The following FNBP1 variants were observed in gnomAD, a reference collection of about 807,000 sequenced individuals.
The protein encoded by FNBP1 is formin binding protein 1, also known as formin-binding protein 1.
In FNBP1, 26 loss-of-function variants were observed where a neutral mutation model predicts 90.6. That is an observed-to-expected ratio of 0.29 (90% CI 0.21 to 0.40). The LOEUF (loss-of-function observed/expected upper bound fraction) is 0.40, where lower values mean the gene tolerates loss of function less well. FNBP1 is among the 10% of genes least tolerant of loss of function. FNBP1 has a pLI of 1.00. For missense variants in FNBP1, 635 were observed against 768.0 expected (o/e 0.83, Z 2.05); for synonymous variants, 260 against 265.2 (o/e 0.98, Z 0.19).
At chr9:129,982,516 G>C (rs532633379) in intron 2 of FNBP1, among the ~76,000 whole-genome samples, 1 of 151,998 alleles carries the variant, frequency 6.6e-6, no homozygotes, top group Non-Finnish European at 1.5e-5. Flanking sequence ...GGAAATGTGC[G>C]CAAAACAGAT....
chr9:130,037,145 T>A (rs567349270), intron 1 of FNBP1, among the ~76,000 whole-genome samples: 1 of 151,250 alleles, frequency 6.6e-6, no homozygotes, highest in South Asian at 2.1e-4. Flanking sequence ...TCACTTGAGG[T>A]CAGGAGTTTG....
chr9:129,947,635 T>C (rs1032615083), intron 6 of FNBP1, among the ~76,000 whole-genome samples: 1 of 151,548 alleles, frequency 6.6e-6, no homozygotes, highest in African/African-American at 2.4e-5. Flanking sequence ...TACTTTTTTT[T>C]TTTTGAGGTG....
chr9:129,967,886 G>T (rs2048853152), intron 4 of FNBP1, among the ~76,000 whole-genome samples: 1 of 151,930 alleles, frequency 6.6e-6, no homozygotes, highest in African/African-American at 2.4e-5. Context: ...TTTTTTTTGA[G>T]ATTGGGGGGT....
intron 1 of FNBP1, among the ~76,000 whole-genome samples, chr9:130,019,907 T>G (rs868311415): frequency 4.6e-5 from 7 of 152,000 alleles, no homozygotes; most frequent in Admixed American, 1.3e-4. Flanking sequence ...TCACAGGACC[T>G]CATTAGATTA....
At position 130,031,746 on chromosome 9, in the gene FNBP1, C is replaced by T. The variant is rs2058817700; in HGVS notation, c.24+11206G>A. Among the ~76,000 whole-genome samples the T allele has an allele frequency of 6.6e-6, 1 of 151,728 alleles. No individual in the cohort carries two copies. Among genetic ancestry groups the T allele is most frequent in the South Asian group, 2.1e-4 (1 of 4,798 alleles). ...GCACAATCTCAGTTCACTGCAACAT[C>T]CACCTCCTAGATTCAAGCGATTCTC... On this transcript the variant is annotated intron_variant, in intron 1 of 16. Coordinates refer to ENST00000446176, the MANE Select transcript of FNBP1 (RefSeq NM_015033.3). The surrounding 1 kb of genome is among the most constrained non-coding windows in gnomAD (Gnocchi z 4.2).
intron 6 of FNBP1, among the ~76,000 whole-genome samples, chr9:129,930,462 G>A (rs2042571647): frequency 6.6e-6 from 1 of 152,082 alleles, no homozygotes; most frequent in African/African-American, 2.4e-5. Context: ...AAGCTCTCTA[G>A]CATGTTTATA....
rs570612382 is a variant in FNBP1 at position 129,933,768 on chromosome 9, G to T, written c.514-4073C>A. 1.5e-3 allele frequency among the ~76,000 whole-genome samples: 232 copies of T among 152,216 alleles called. 2 individuals are homozygous for T. The highest frequency in any genetic ancestry group is 2.4e-3 in the Non-Finnish European group (162 of 68,012). On this transcript the variant is annotated intron_variant, in intron 6 of 16. Coordinates refer to ENST00000446176, the MANE Select transcript of FNBP1 (RefSeq NM_015033.3). ...CTCACTCTCACTGACTACAAGGATA[G>T]GGAAACCTTCAAAAACAGCAAAATA...
chr9:130,034,649 T>C (rs1404969488), intron 1 of FNBP1, among the ~76,000 whole-genome samples: 1 of 152,254 alleles, frequency 6.6e-6, no homozygotes, highest in Non-Finnish European at 1.5e-5. Context: ...AGGAGATTAC[T>C]AGACATCTAT....
chr9:129,915,840 AG>A, intron 11 of FNBP1, 125 bp downstream of exon 11: 1 of 666,634 alleles, frequency 1.5e-6, no homozygotes, highest in Non-Finnish European at 2.6e-6. Context: ...CACCAACAAA[AG>A]CACACGTAAG....
At chr9:130,047,513 T>C (rs2060067190), upstream of FNBP1, among the ~76,000 whole-genome samples, 1 of 152,128 alleles carries the variant, frequency 6.6e-6, no homozygotes, top group African/African-American at 2.4e-5. Context: ...CTCGGGAGGC[T>C]ATGGCAGGAG....
rs1564242490 is a variant in FNBP1 at position 129,892,399 on chromosome 9, ACACACACACACACAC to A, written c.1847-1868_1847-1854del. On this transcript the variant is annotated intron_variant, in intron 16 of 16. Transcript: ENST00000446176. ...CACACACACACACACACACACACAC[ACACACACACACACAC>A]ACAAAAAGGTTGACCGGCATTATAA... Among the ~76,000 whole-genome samples, 123 of 146,826 alleles carry A rather than the reference ACACACACACACACAC, an allele frequency of 8.4e-4. 2 individuals are homozygous for A. The highest frequency in any genetic ancestry group is 4.3e-3 in the Admixed American group (60 of 14,050).
At chr9:129,969,396 C>G (rs1007988537) in intron 4 of FNBP1, among the ~76,000 whole-genome samples, 1 of 152,158 alleles carries the variant, frequency 6.6e-6, no homozygotes, top group Non-Finnish European at 1.5e-5. Flanking sequence ...AGCCCACACA[C>G]AATGCAAACA....
chr9:130,046,775 CAAA>C (rs34811454), upstream of FNBP1, among the ~76,000 whole-genome samples: 16 of 83,178 alleles, frequency 1.9e-4, no homozygotes, highest in Admixed American at 5.4e-4. Context: ...GACTTTATCT[CAAA>C]AAAAAAAAAA....
chr9:129,932,190 G>A (rs1458764074), intron 6 of FNBP1, among the ~76,000 whole-genome samples: 1 of 150,384 alleles, frequency 6.6e-6, no homozygotes, highest in African/African-American at 2.5e-5. Flanking sequence ...CAGCCTGGGC[G>A]ACTGAGCCAG....
Position 129,889,692 on chromosome 9 carries a change from C to T in FNBP1, c.*847G>A, listed in dbSNP as rs533809311. The T allele has an allele frequency of 6.0e-5, 14 of 231,634 alleles. No individual in the cohort carries two copies. The highest frequency in any genetic ancestry group is 3.6e-4 in the South Asian group (2 of 5,538). 14.3% of individuals were successfully genotyped at this position (231,634 alleles called of 1,614,324 possible). On this transcript the variant is annotated 3_prime_UTR_variant, in exon 17 of 17. Transcript: ENST00000446176. ...TGAGCTGGTGCAGAGGGGAGGGCCT[C>T]GCTCACAAGCGCATGATCTACAGTT...
intron 1 of FNBP1, among the ~76,000 whole-genome samples, chr9:130,013,337 A>G (rs2056859741): frequency 6.6e-6 from 1 of 152,138 alleles, no homozygotes; most frequent in Non-Finnish European, 1.5e-5. Flanking sequence ...AAATAAATAA[A>G]TAAGAATTTT....
intron 4 of FNBP1, among the ~76,000 whole-genome samples, chr9:129,965,708 G>GCGCGCGCGCA (rs1554821703): frequency 6.9e-6 from 1 of 145,446 alleles, no homozygotes. Flanking sequence ...GCGCGCGCGC[G>GCGCGCGCGCA]CACACACACA....
chr9:130,015,756 C>T (rs2057169524), intron 1 of FNBP1, among the ~76,000 whole-genome samples: 1 of 152,150 alleles, frequency 6.6e-6, no homozygotes, highest in Non-Finnish European at 1.5e-5. Context: ...CTCGCTGTAA[C>T]CTCAACCTCC....
chr9:129,915,583 C>T (rs1304459084), intron 11 of FNBP1, among the ~76,000 whole-genome samples: 4 of 152,064 alleles, frequency 2.6e-5, no homozygotes, highest in African/African-American at 7.2e-5. Context: ...GGGTTGGTCT[C>T]GAACTCCTGA....
Sources: gnomAD v4.1 joint callset for allele counts (sites outside exome capture counted in the v4.1 genomes callset) on GRCh38, gnomAD v4.1.1 for gene constraint, Gnocchi (gnomAD v3.1) non-coding constraint, MANE v1.5 for transcripts, NCBI Gene and HGNC (gene_info 2026-07-23, HGNC 2026-07-21) for gene names.